CNTN1: variants seen among roughly 807,000 people sequenced by gnomAD.
CNTN1 encodes the protein contactin-1.
A neutral mutation model predicts 126.4 loss-of-function variants in CNTN1; 38 were observed. That is an observed-to-expected ratio of 0.30 (90% CI 0.23 to 0.39). The LOEUF (loss-of-function observed/expected upper bound fraction) is 0.39. CNTN1 is among the 10% of genes least tolerant of loss of function. CNTN1 has a pLI of 1.00. For missense variants in CNTN1, 1,009 were observed against 1,248.4 expected, an observed-to-expected ratio of 0.81 and a Z score of 2.89; for synonymous variants, 413 against 422.6, an observed-to-expected ratio of 0.98 and a Z score of 0.28.
At chr12:40,897,185 G>GT (rs1166866139) in intron 1 of CNTN1, among the ~76,000 whole-genome samples, 4 of 152,166 alleles carry the variant, frequency 2.6e-5, no homozygotes, top group African/African-American at 9.7e-5. Context: ...AGAGAGTATA[G>GT]TAAGAGAATT....
At chr12:40,851,822 G>A (rs562875790) in intron 1 of CNTN1, among the ~76,000 whole-genome samples, 2 of 152,268 alleles carry the variant, frequency 1.3e-5, no homozygotes, top group East Asian at 1.9e-4. Context: ...AAGGTGATTC[G>A]CAGTGGGGAA....
intron 1 of CNTN1, among the ~76,000 whole-genome samples, chr12:40,841,385 C>G (rs1039031629): frequency 2.1e-4 from 32 of 151,938 alleles, no homozygotes; most frequent in African/African-American, 7.2e-4. Context: ...CTTCCTGAAA[C>G]CATTCCAACA....
intron 15 of CNTN1, among the ~76,000 whole-genome samples, chr12:40,962,264 T>G (rs1277156717): frequency 6.6e-6 from 1 of 152,142 alleles, no homozygotes. Context: ...TGTGCGTGTG[T>G]GTGCATGTGT....
At chr12:40,933,650 G>T (rs1439125670) in intron 8 of CNTN1, 47 bp from the exon 9 acceptor site, 1 of 1,572,054 alleles carries the variant, frequency 6.4e-7, no homozygotes, top group South Asian at 1.1e-5. Context: ...TAAAGTAATT[G>T]TCTTTTAAGT....
chr12:40,905,629 TTAAAAA>T (rs1338576431), intron 1 of CNTN1, among the ~76,000 whole-genome samples: 1 of 152,088 alleles, frequency 6.6e-6, no homozygotes. Flanking sequence ...AATAATAAAA[TTAAAAA>T]TAAAAATAAT....
At chr12:40,921,934 A>C (rs1945456997) in intron 4 of CNTN1, among the ~76,000 whole-genome samples, 1 of 152,216 alleles carries the variant, frequency 6.6e-6, no homozygotes, top group African/African-American at 2.4e-5. Flanking sequence ...TAACTGGTGC[A>C]TAGATGGCTA....
intron 23 of CNTN1, among the ~76,000 whole-genome samples, chr12:41,031,916 GT>G (rs1238047032): frequency 8.6e-5 from 13 of 151,922 alleles, no homozygotes; most frequent in Non-Finnish European, 1.5e-4. Context: ...GAAATTACAG[GT>G]TTTTTTCTAA....
chr12:40,821,066 A>T (rs1941427217), intron 1 of CNTN1, among the ~76,000 whole-genome samples: 1 of 152,238 alleles, frequency 6.6e-6, no homozygotes, highest in Admixed American at 6.5e-5. Context: ...GAAGCTCAAA[A>T]GTTCTAAAAT....
chr12:40,776,726 G>A (rs187957517), intron 1 of CNTN1, among the ~76,000 whole-genome samples: 1 of 151,786 alleles, frequency 6.6e-6, no homozygotes, highest in East Asian at 1.9e-4. Context: ...TGGGTTGAGA[G>A]TGACTTTGCA....
At chr12:40,889,328 T>C (rs1433755853) in intron 1 of CNTN1, among the ~76,000 whole-genome samples, 1 of 152,190 alleles carries the variant, frequency 6.6e-6, no homozygotes, top group Non-Finnish European at 1.5e-5. Flanking sequence ...GAGTCAAATA[T>C]AGTGGTCCAG....
chr12:40,971,738 T>G, intron 15 of CNTN1: 1 of 1,302,940 alleles, frequency 7.7e-7, no homozygotes, highest in Non-Finnish European at 9.7e-7. Flanking sequence ...GTGAACTAAC[T>G]CAGTACATTA....
intron 15 of CNTN1, chr12:40,971,739 C>T: frequency 7.7e-7 from 1 of 1,300,562 alleles, no homozygotes; most frequent in Non-Finnish European, 9.7e-7. Flanking sequence ...TGAACTAACT[C>T]AGTACATTAT....
At chr12:40,774,054 C>G (rs1425052480) in intron 1 of CNTN1, among the ~76,000 whole-genome samples, 1 of 151,338 alleles carries the variant, frequency 6.6e-6, no homozygotes, top group Non-Finnish European at 1.5e-5. Flanking sequence ...CCTGAAGAAG[C>G]TGGAGTATAG....
chr12:40,792,475 C>G (rs1005176501), intron 1 of CNTN1, among the ~76,000 whole-genome samples: 2 of 139,604 alleles, frequency 1.4e-5, no homozygotes, highest in Non-Finnish European at 3.1e-5. Context: ...TCTTTCTTTT[C>G]TTCTCTGGAC....
intron 1 of CNTN1, among the ~76,000 whole-genome samples, chr12:40,780,689 A>AG (rs1452942007): frequency 6.6e-6 from 1 of 150,386 alleles, no homozygotes; most frequent in Non-Finnish European, 1.5e-5. Context: ...CATCTAAGAA[A>AG]AAAAAAAAAA....
intron 1 of CNTN1, among the ~76,000 whole-genome samples, chr12:40,885,846 T>C (rs1167553797): frequency 6.6e-6 from 1 of 152,038 alleles, no homozygotes; most frequent in Non-Finnish European, 1.5e-5. Flanking sequence ...GCTGGTATAG[T>C]TTTCCAATTT....
At chr12:40,757,843 T>C (rs1938673848) in intron 1 of CNTN1, among the ~76,000 whole-genome samples, 1 of 152,178 alleles carries the variant, frequency 6.6e-6, no homozygotes, top group Admixed American at 6.6e-5. Flanking sequence ...TTTATATTTT[T>C]GTGCTAAATA....
intron 12 of CNTN1, among the ~76,000 whole-genome samples, chr12:40,940,886 A>C (rs1946243414): frequency 6.6e-6 from 1 of 152,250 alleles, no homozygotes; most frequent in Non-Finnish European, 1.5e-5. Flanking sequence ...TGAGCAATGC[A>C]GAGACCATGA....
At chr12:40,707,227 CTTTTTTTTTTTTT>C (rs370984371) in intron 1 of CNTN1, among the ~76,000 whole-genome samples, 5 of 109,164 alleles carry the variant, frequency 4.6e-5, no homozygotes, top group African/African-American at 7.7e-5. Flanking sequence ...TTTTCTTTTT[CTTTTTTTTTTTTT>C]TTTTTTTTTT....
Sources: gnomAD v4.1 joint callset for allele counts (sites outside exome capture counted in the v4.1 genomes callset) on GRCh38, gnomAD v4.1.1 for gene constraint, MANE v1.5 for transcripts, NCBI Gene and HGNC (gene_info 2026-07-23, HGNC 2026-07-21) for gene names.